Variants in NOS1AP observed in about 807,000 individuals in gnomAD.
The protein encoded by NOS1AP is carboxyl-terminal PDZ ligand of neuronal nitric oxide synthase protein.
NOS1AP carries 21 observed loss-of-function variants against 56.2 expected under a neutral mutation model. That is an observed-to-expected ratio of 0.37 (90% CI 0.26 to 0.54). NOS1AP has a LOEUF of 0.54. Ranked by LOEUF, NOS1AP falls within the 20% of genes least tolerant of loss-of-function variation. The probability of loss-of-function intolerance (pLI) is 0.84; values close to 1 mark genes in which losing one functional copy is unlikely to be tolerated. For synonymous variants in NOS1AP, 270 were observed against 274.6 expected, an observed-to-expected ratio of 0.98 and a Z score of 0.17; for missense variants, 522 against 657.8, an observed-to-expected ratio of 0.79 and a Z score of 2.26.
Position 162,188,021 on chromosome 1 carries a change from T to A in NOS1AP, c.177+33545T>A, listed in dbSNP as rs955480740. 1.3e-5 allele frequency among the ~76,000 whole-genome samples: 2 copies of A among 152,174 alleles called. No homozygotes were observed. Among genetic ancestry groups the A allele is most frequent in the African/African-American group, 4.8e-5 (2 of 41,434 alleles). The stretch of plus-strand genomic sequence containing the variant: ...TGTCATTATCCCTGGCTTGCCATCT[T>A]ACTGTGAAGAAGCCCCTTCCTAGCA... On this transcript the variant is annotated intron_variant, in intron 2 of 9. Coordinates refer to ENST00000361897, the MANE Select transcript of NOS1AP (RefSeq NM_014697.3). This position sits in a 1 kb window ranked among gnomAD's most constrained non-coding sequence, Gnocchi z 4.0.
At chr1:162,283,596 T>C (rs563758303) in intron 2 of NOS1AP, among the ~76,000 whole-genome samples, 1 of 152,346 alleles carries the variant, frequency 6.6e-6, no homozygotes, top group Admixed American at 6.5e-5. Flanking sequence ...TCCTGGCTCC[T>C]GTTGGATGCT....
intron 2 of NOS1AP, among the ~76,000 whole-genome samples, chr1:162,242,185 A>G (rs185741329): frequency 6.6e-6 from 1 of 152,334 alleles, no homozygotes; most frequent in Non-Finnish European, 1.5e-5. Flanking sequence ...TCAAGTGAAT[A>G]GGGTTTTAAG....
chr1:162,273,474 G>C (rs1301984170), intron 2 of NOS1AP, among the ~76,000 whole-genome samples: 7 of 152,160 alleles, frequency 4.6e-5, no homozygotes, highest in Non-Finnish European at 7.4e-5. Flanking sequence ...CGAAGCCTCT[G>C]TTCTTGACCT....
chr1:162,184,249 G>C (rs1458843882), intron 2 of NOS1AP, among the ~76,000 whole-genome samples: 2 of 152,124 alleles, frequency 1.3e-5, no homozygotes, highest in Non-Finnish European at 2.9e-5. Flanking sequence ...TGTCTCATAT[G>C]GGCACAGTTT....
chr1:162,268,200 G>A (rs111376346), intron 2 of NOS1AP, among the ~76,000 whole-genome samples: 1,625 of 151,736 alleles, frequency 0.011, 12 homozygotes, highest in Non-Finnish European at 0.014. Context: ...CAAAGGTTGC[G>A]GTAAGCCTAG....
At chr1:162,075,072 C>T (rs752913535) in intron 1 of NOS1AP, among the ~76,000 whole-genome samples, 15 of 152,264 alleles carry the variant, frequency 9.9e-5, no homozygotes, top group African/African-American at 3.1e-4. Context: ...CAAGATTGCA[C>T]GTGGGATGAG....
At chr1:162,107,641 G>A (rs542296792) in intron 1 of NOS1AP, among the ~76,000 whole-genome samples, 4 of 152,242 alleles carry the variant, frequency 2.6e-5, no homozygotes, top group South Asian at 4.2e-4. Context: ...ACTGTGCCTG[G>A]CCTTAACATA....
At chr1:162,175,917 G>T (rs905675030) in intron 2 of NOS1AP, among the ~76,000 whole-genome samples, 2 of 152,074 alleles carry the variant, frequency 1.3e-5, no homozygotes, top group Admixed American at 6.6e-5. Flanking sequence ...TCCAGTGTAC[G>T]CGTACAGTAG....
intron 2 of NOS1AP, among the ~76,000 whole-genome samples, chr1:162,202,232 G>T (rs578033199): frequency 6.6e-6 from 1 of 152,142 alleles, no homozygotes; most frequent in East Asian, 1.9e-4. Flanking sequence ...TTTTTTCCTT[G>T]ACCCTGAAAG....
At chr1:162,109,540 G>C (rs1029430071) in intron 1 of NOS1AP, among the ~76,000 whole-genome samples, 1 of 152,054 alleles carries the variant, frequency 6.6e-6, no homozygotes, top group Non-Finnish European at 1.5e-5. Flanking sequence ...CTGTGTTGGT[G>C]GTGACTGAAA....
At chr1:162,124,621 C>CA (rs1216977082) in intron 1 of NOS1AP, among the ~76,000 whole-genome samples, 3 of 151,910 alleles carry the variant, frequency 2.0e-5, no homozygotes, top group African/African-American at 7.3e-5. Flanking sequence ...CTCCCAGGTT[C>CA]AAGCGATTTC....
At chr1:162,081,777 T>TATATATATAGA in intron 1 of NOS1AP, among the ~76,000 whole-genome samples, 2 of 124,558 alleles carry the variant, frequency 1.6e-5, no homozygotes, top group Non-Finnish European at 3.5e-5. Flanking sequence ...TATATATATT[T>TATATATATAGA]TTTTTTTGTA....
intron 2 of NOS1AP, among the ~76,000 whole-genome samples, chr1:162,260,552 T>C (rs1254229008): frequency 1.3e-5 from 2 of 152,336 alleles, no homozygotes; most frequent in South Asian, 2.1e-4. Flanking sequence ...TAGATGACAT[T>C]TGATGACTAA....
chr1:162,139,754 G>A (rs966420409), intron 1 of NOS1AP, among the ~76,000 whole-genome samples: 1 of 151,920 alleles, frequency 6.6e-6, no homozygotes, highest in African/African-American at 2.4e-5. Flanking sequence ...CCCTTGCTGT[G>A]TTTCATTGGC....
chr1:162,200,116 A>G (rs1299079453), intron 2 of NOS1AP, among the ~76,000 whole-genome samples: 1 of 152,200 alleles, frequency 6.6e-6, no homozygotes, highest in African/African-American at 2.4e-5. Flanking sequence ...GCTATTGGCC[A>G]TCCCTTTCCT....
intron 2 of NOS1AP, among the ~76,000 whole-genome samples, chr1:162,215,136 A>G (rs1185751783): frequency 6.6e-6 from 1 of 152,212 alleles, no homozygotes; most frequent in Non-Finnish European, 1.5e-5. Context: ...TCAAGGCCAC[A>G]GTGCTCTCAG....
At chr1:162,211,412 A>G (rs529969918) in intron 2 of NOS1AP, among the ~76,000 whole-genome samples, 1 of 152,286 alleles carries the variant, frequency 6.6e-6, no homozygotes, top group African/African-American at 2.4e-5. Flanking sequence ...GAAGGATGCC[A>G]ATCCTATGGG....
intron 4 of NOS1AP, among the ~76,000 whole-genome samples, chr1:162,332,472 G>A (rs1656802982): frequency 6.6e-6 from 1 of 152,192 alleles, no homozygotes; most frequent in South Asian, 2.1e-4. Flanking sequence ...GCACTCAGTG[G>A]CATTGGTTGA....
chr1:162,214,731 T>A (rs4411117), intron 2 of NOS1AP, among the ~76,000 whole-genome samples: 73,923 of 151,888 alleles, frequency 0.49, 18,702 homozygotes, highest in South Asian at 0.62. Context: ...TGTTCTTGAA[T>A]CACTTCACAG....
Sources: allele counts gnomAD v4.1 joint callset (sites outside exome capture counted in the v4.1 genomes callset), GRCh38; gene constraint gnomAD v4.1.1; non-coding constraint Gnocchi (gnomAD v3.1); transcripts MANE v1.5; gene names NCBI Gene and HGNC (gene_info 2026-07-23, HGNC 2026-07-21).